Variants in PLB1 observed in about 807,000 individuals in gnomAD.
PLB1 encodes phospholipase B1, also known as phospholipase B1, membrane-associated.
Under a neutral mutation model 227.4 loss-of-function variants are expected in PLB1, and 242 were observed. That is an observed-to-expected ratio of 1.06 (90% CI 0.96 to 1.18). The LOEUF is 1.18. PLB1 is among the 50% of genes most tolerant of loss of function. The probability of loss-of-function intolerance (pLI) is 0.00; values close to 1 mark genes in which losing one functional copy is unlikely to be tolerated. For synonymous variants in PLB1, 757 were observed against 682.2 expected (o/e 1.11, Z -1.71); for missense variants, 1,858 against 1,816.3 (o/e 1.02, Z -0.42).
chr2:28,539,142 C>T lies in PLB1; in HGVS notation c.662C>T (p.Ala221Val). 2.5e-6 allele frequency: 4 copies of T among 1,614,012 alleles called. No homozygotes were observed. The highest frequency in any genetic ancestry group is 3.4e-6 in the Non-Finnish European group (4 of 1,179,862). The change falls in exon 11 of 58, where the codon GCA becomes GTA. Residue 221 changes from alanine (A) to valine (V), a missense_variant. Physicochemically the swap from Ala to Val is moderately conservative, Grantham distance 64 (BLOSUM62 0). Coordinates refer to ENST00000327757, the MANE Select transcript of PLB1 (RefSeq NM_153021.5). ...FVNLVDLSEV[A>V]EVSRQYHGTW... ...AACCTGGTGGACCTCTCTGAGGTTG[C>T]AGAGGTCTCTCGTCAGTATCACGGC...
intron 23 of PLB1, among the ~76,000 whole-genome samples, chr2:28,581,492 AATAAAT>A (rs72376146): frequency 0.2 from 15,860 of 79,252 alleles, 1,355 homozygotes; most frequent in Middle Eastern, 0.35. Context: ...CAAAAAAATA[AATAAAT>A]AAATAAATAA....
At chr2:28,510,380 C>G (rs1338755902) in intron 1 of PLB1, among the ~76,000 whole-genome samples, 4 of 152,136 alleles carry the variant, frequency 2.6e-5, no homozygotes, top group African/African-American at 4.8e-5. Flanking sequence ...CCCTGGCAGC[C>G]CATTCTTGTT....
chr2:28,622,438 T>TA (rs1412453817), intron 49 of PLB1, among the ~76,000 whole-genome samples: 1 of 152,190 alleles, frequency 6.6e-6, no homozygotes, highest in Non-Finnish European at 1.5e-5. Flanking sequence ...CCACACATAA[T>TA]ACCCACCAAA....
At chr2:28,628,330 G>A (rs1176610502) in intron 51 of PLB1, among the ~76,000 whole-genome samples, 17 of 152,156 alleles carry the variant, frequency 1.1e-4, no homozygotes. Flanking sequence ...CTGAGATTAT[G>A]TAGAGCAGGG....
chr2:28,530,385 GC>G lies in PLB1; in HGVS notation c.468+607del, dbSNP rs1670858328. ...GTTTATGAAATGGGGTGATAAAAGAGCTGCAGCAAAGGGTTTTGGGAGCATT... is the reference window on the plus strand; with the variant it reads ...GTTTATGAAATGGGGTGATAAAAGAGTGCAGCAAAGGGTTTTGGGAGCATT... On this transcript the variant is annotated intron_variant, in intron 8 of 57. Coordinates refer to ENST00000327757, the MANE Select transcript of PLB1 (RefSeq NM_153021.5). Among the ~76,000 whole-genome samples the G allele has an allele frequency of 2.0e-5, 3 of 152,166 alleles. No homozygotes were observed. The South Asian group carries it at 6.2e-4, about 32-fold the overall frequency.
At chr2:28,636,224 A>G (rs1479562654) in intron 56 of PLB1, among the ~76,000 whole-genome samples, 1 of 152,116 alleles carries the variant, frequency 6.6e-6, no homozygotes, top group Non-Finnish European at 1.5e-5. Flanking sequence ...ATGACCAGCT[A>G]ATTTTTGTAT....
rs141173438 is a variant in PLB1, at chr2:28,601,469, C to CA, written c.2607+137_2607+138insA. On this transcript the variant is annotated intron_variant, in intron 37 of 57. Coordinates refer to ENST00000327757, the MANE Select transcript of PLB1 (RefSeq NM_153021.5). ...ACCTATGTCTGCACATATACACATACCACACACACACACACACACACACAC... is the reference window on the plus strand; with the variant it reads ...ACCTATGTCTGCACATATACACATACACACACACACACACACACACACACAC... 4 of 600,184 alleles carry CA rather than the reference C, an allele frequency of 6.7e-6. No homozygotes were observed. In the Admixed American group the frequency reaches 7.4e-5, roughly 11 times the overall value. 37.2% of individuals were successfully genotyped at this position (600,184 alleles called of 1,614,324 possible).
intron 46 of PLB1, among the ~76,000 whole-genome samples, chr2:28,618,838 A>G (rs1686575915): frequency 1.3e-5 from 2 of 152,192 alleles, no homozygotes; most frequent in South Asian, 2.1e-4. Context: ...TTCCTCACAC[A>G]TAGCACAGTC....
chr2:28,628,886 A>G (rs933420748), intron 52 of PLB1, among the ~76,000 whole-genome samples: 1 of 152,184 alleles, frequency 6.6e-6, no homozygotes, highest in Non-Finnish European at 1.5e-5. Flanking sequence ...GCTTCGGGCA[A>G]GTGACTTCCC....
At chr2:28,634,031 C>T (rs1689009815) in intron 56 of PLB1, among the ~76,000 whole-genome samples, 1 of 152,214 alleles carries the variant, frequency 6.6e-6, no homozygotes, top group African/African-American at 2.4e-5. Context: ...ACAATATTGA[C>T]TTTCTCCTTA....
intron 1 of PLB1, among the ~76,000 whole-genome samples, chr2:28,507,866 G>C (rs1419665763): frequency 6.6e-6 from 1 of 152,152 alleles, no homozygotes; most frequent in Admixed American, 6.5e-5. Context: ...GTACAGGACA[G>C]AGTATTTAAT....
intron 4 of PLB1, 127 bp downstream of exon 4, chr2:28,519,890 A>G (rs942989221): frequency 5.3e-5 from 25 of 475,962 alleles, no homozygotes; most frequent in African/African-American, 4.6e-4. Flanking sequence ...AGATAAATCC[A>G]GGAGGTTGAA....
intron 17 of PLB1, among the ~76,000 whole-genome samples, chr2:28,562,553 A>AAAAAAAAAAAAAAAAAAAAAAAC: frequency 6.6e-6 from 1 of 150,526 alleles, no homozygotes; most frequent in African/African-American, 2.4e-5. Context: ...AAAAAAAAAA[A>AAAAAAAAAAAAAAAAAAAAAAAC]AAAAAAGTCA....
intron 17 of PLB1, among the ~76,000 whole-genome samples, chr2:28,553,706 G>A (rs932469043): frequency 6.6e-6 from 1 of 152,158 alleles, no homozygotes; most frequent in African/African-American, 2.4e-5. Flanking sequence ...AAAGGGGGGG[G>A]ACTCACGTGT....
intron 7 of PLB1, 114 bp from the exon 8 acceptor site, chr2:28,529,614 C>T: frequency 8.7e-7 from 1 of 1,147,780 alleles, no homozygotes; most frequent in Non-Finnish European, 1.3e-6. Flanking sequence ...CTTCAGAAGC[C>T]AGGGGTGGAT....
chr2:28,641,333 C>T (rs1260429084), intron 57 of PLB1, among the ~76,000 whole-genome samples: 2 of 152,196 alleles, frequency 1.3e-5, no homozygotes, highest in Non-Finnish European at 2.9e-5. Context: ...CAAGGCCAGG[C>T]GTGGTGGCTC....
At chr2:28,615,228 G>A (rs1373722617) in intron 44 of PLB1, among the ~76,000 whole-genome samples, 3 of 152,112 alleles carry the variant, frequency 2.0e-5, no homozygotes, top group African/African-American at 7.2e-5. Context: ...GTGGCTGGGG[G>A]CATGAGAATG....
chr2:28,529,503 G>C, intron 7 of PLB1, 96 bp downstream of exon 7: 1 of 1,126,066 alleles, frequency 8.9e-7, no homozygotes, highest in Non-Finnish European at 1.3e-6. Context: ...AGTCAAAGAG[G>C]CTTAAAAATA....
rs141804677 is a variant in PLB1, at chr2:28,608,965, A to G, written c.3129+2398A>G. Among the ~76,000 whole-genome samples, 209 of 152,094 alleles carry G rather than the reference A, an allele frequency of 1.4e-3. 2 individuals are homozygous for G. In the East Asian group the frequency reaches 0.031, roughly 22 times the overall value. On this transcript the variant is annotated intron_variant, in intron 43 of 57. Coordinates refer to ENST00000327757, the MANE Select transcript of PLB1 (RefSeq NM_153021.5). ...GGTCTTGCTCCGTCTCCCAGGCTGG[A>G]AGTGCAGTGGCGCAATCACAGCTCT...
Sources: allele counts gnomAD v4.1 joint callset (sites outside exome capture counted in the v4.1 genomes callset), GRCh38; gene constraint gnomAD v4.1.1; transcripts MANE v1.5; gene names NCBI Gene and HGNC (gene_info 2026-07-23, HGNC 2026-07-21).